The following CSMD1 variants were observed in gnomAD, a reference collection of about 807,000 sequenced individuals.
The protein encoded by CSMD1 is CUB and sushi domain-containing protein 1.
Under a neutral mutation model 417.5 loss-of-function variants are expected in CSMD1, and 213 were observed. The observed-to-expected ratio is 0.51, with a 90% CI of 0.46 to 0.57. The LOEUF is 0.57. CSMD1 is among the 20% of genes least tolerant of loss of function. The pLI is 0.00. For synonymous variants in CSMD1, 2,862 were observed against 1,736.8 expected (o/e 1.65, Z -16.11); for missense variants, 6,923 against 4,529.7 (o/e 1.53, Z -15.17).
chr8:4,556,942 T>G (rs932221979), intron 2 of CSMD1, among the ~76,000 whole-genome samples: 8 of 152,218 alleles, frequency 5.3e-5, no homozygotes, highest in Non-Finnish European at 8.8e-5. Context: ...TAAGTGATAT[T>G]CAACCTGTAT....
chr8:4,872,224 G>T (rs184817544), intron 1 of CSMD1, among the ~76,000 whole-genome samples: 1 of 152,076 alleles, frequency 6.6e-6, no homozygotes, highest in Non-Finnish European at 1.5e-5. Context: ...TTGGAGTTGG[G>T]ACGACAATAT....
chr8:4,279,630 G>T (rs991359719), intron 3 of CSMD1, among the ~76,000 whole-genome samples: 1 of 152,110 alleles, frequency 6.6e-6, no homozygotes, highest in Non-Finnish European at 1.5e-5. Context: ...GCTTAACTTT[G>T]GATGTGGTAA....
intron 8 of CSMD1, among the ~76,000 whole-genome samples, chr8:3,614,253 T>G (rs563060770): frequency 6.6e-5 from 10 of 152,190 alleles, no homozygotes; most frequent in East Asian, 3.9e-4. Context: ...AGTGACAGAT[T>G]GAAATTCTCT....
At chr8:3,230,482 GT>G (rs11393906) in intron 26 of CSMD1, among the ~76,000 whole-genome samples, 2 of 151,818 alleles carry the variant, frequency 1.3e-5, no homozygotes, top group African/African-American at 2.4e-5. Flanking sequence ...TATATCAAGG[GT>G]TTTTTTAAAA....
chr8:4,201,540 CAAAAAAAAAAAAAAAAAA>C (rs1157479482), intron 3 of CSMD1, among the ~76,000 whole-genome samples: 4 of 59,050 alleles, frequency 6.8e-5, no homozygotes, highest in East Asian at 7.5e-4. Flanking sequence ...TCTGTCTCCA[CAAAAAAAAAAAAAAAAAA>C]AAAAAAAAAA....
intron 5 of CSMD1, among the ~76,000 whole-genome samples, chr8:3,842,552 C>G (rs1478127717): frequency 6.6e-6 from 1 of 151,332 alleles, no homozygotes; most frequent in Non-Finnish European, 1.5e-5. Context: ...ATTGTAAATC[C>G]TGGGGACACA....
chr8:3,298,135 T>G (rs925727579), intron 25 of CSMD1, among the ~76,000 whole-genome samples: 1 of 152,118 alleles, frequency 6.6e-6, no homozygotes, highest in Non-Finnish European at 1.5e-5. Context: ...ATACACCCTC[T>G]CAGGGAGTGA....
At chr8:4,414,509 G>C (rs1390164615) in intron 3 of CSMD1, among the ~76,000 whole-genome samples, 1 of 152,092 alleles carries the variant, frequency 6.6e-6, no homozygotes, top group African/African-American at 2.4e-5. Flanking sequence ...ATATTTTTAA[G>C]AGGATCTGCT....
chr8:3,707,796 C>T (rs1409608974), intron 7 of CSMD1, among the ~76,000 whole-genome samples: 3 of 152,148 alleles, frequency 2.0e-5, no homozygotes, highest in Admixed American at 6.5e-5. Flanking sequence ...ATGGTCAGGG[C>T]TTCCTATGGC....
chr8:4,720,848 G>C (rs1027196792), intron 1 of CSMD1, among the ~76,000 whole-genome samples: 10 of 152,182 alleles, frequency 6.6e-5, no homozygotes, highest in Middle Eastern at 3.2e-3. Flanking sequence ...AAGTCTAGAA[G>C]CCAAGGGAAA....
chr8:3,326,749 T>C (rs888085548), intron 23 of CSMD1, among the ~76,000 whole-genome samples: 1 of 152,242 alleles, frequency 6.6e-6, no homozygotes, highest in Non-Finnish European at 1.5e-5. Flanking sequence ...GACTGCCTCA[T>C]CTATTGTGAT....
At chr8:4,139,698 GAT>G (rs1803664611) in intron 3 of CSMD1, among the ~76,000 whole-genome samples, 8 of 151,154 alleles carry the variant, frequency 5.3e-5, no homozygotes, top group Admixed American at 3.3e-4. Context: ...TTAGAATGAT[GAT>G]TTTGGTGGGA....
chr8:4,953,041 T>C (rs1808855965), intron 1 of CSMD1, among the ~76,000 whole-genome samples: 1 of 144,660 alleles, frequency 6.9e-6, no homozygotes, highest in African/African-American at 2.6e-5. Context: ...GAGTGACCAT[T>C]AATACGTGAG....
intron 3 of CSMD1, among the ~76,000 whole-genome samples, chr8:4,291,891 G>C (rs1439658615): frequency 6.6e-6 from 1 of 152,140 alleles, no homozygotes; most frequent in Non-Finnish European, 1.5e-5. Context: ...TGGACAATTT[G>C]TTTTTCACAT....
chr8:3,557,217 A>T (rs1293810220), intron 10 of CSMD1, among the ~76,000 whole-genome samples: 1 of 152,228 alleles, frequency 6.6e-6, no homozygotes, highest in Non-Finnish European at 1.5e-5. Context: ...GTATTAGTAC[A>T]ACATATTTGG....
intron 37 of CSMD1, among the ~76,000 whole-genome samples, chr8:3,168,020 T>G (rs1585537121): frequency 6.6e-6 from 1 of 151,062 alleles, no homozygotes; most frequent in East Asian, 1.9e-4. Flanking sequence ...TGTGCATGAC[T>G]GGCAGAGTGT....
intron 46 of CSMD1, among the ~76,000 whole-genome samples, chr8:3,100,015 T>A (rs551150350): frequency 6.6e-6 from 1 of 151,728 alleles, no homozygotes; most frequent in East Asian, 2.0e-4. Context: ...CATGTGGGGT[T>A]TTTTGGTGTT....
At chr8:4,287,782 G>A in intron 3 of CSMD1, among the ~76,000 whole-genome samples, 1 of 151,754 alleles carries the variant, frequency 6.6e-6, no homozygotes, top group Non-Finnish European at 1.5e-5. Context: ...GAGCGAGTTG[G>A]ACTCATACTA....
intron 3 of CSMD1, among the ~76,000 whole-genome samples, chr8:4,219,524 G>A (rs541796614): frequency 4.1e-4 from 62 of 150,638 alleles, no homozygotes; most frequent in Admixed American, 2.2e-3. Context: ...CGTGAACACC[G>A]CAAACGTGAC....
Sources: allele counts gnomAD v4.1 joint callset (sites outside exome capture counted in the v4.1 genomes callset), GRCh38; gene constraint gnomAD v4.1.1; transcripts MANE v1.5; gene names NCBI Gene and HGNC (gene_info 2026-07-23, HGNC 2026-07-21).